Variants in CHODL observed in about 807,000 individuals in gnomAD.
CHODL encodes chondrolectin.
A neutral mutation model predicts 34.5 loss-of-function variants in CHODL; 29 were observed. That is an observed-to-expected ratio of 0.84 (90% CI 0.63 to 1.15). The LOEUF is 1.15. Among genes scored for constraint, CHODL ranks in the 50% most tolerant of loss-of-function variants. The probability of loss-of-function intolerance (pLI) is 0.00; values close to 1 mark genes in which losing one functional copy is unlikely to be tolerated. For synonymous variants in CHODL, 125 were observed against 116.1 expected, an observed-to-expected ratio of 1.08 and a Z score of -0.49; for missense variants, 332 against 332.5, an observed-to-expected ratio of 1.00 and a Z score of 0.01.
At chr21:18,047,913 T>C (rs903554799) in intron 2 of CHODL, among the ~76,000 whole-genome samples, 12 of 151,978 alleles carry the variant, frequency 7.9e-5, no homozygotes, top group Non-Finnish European at 1.8e-4. Flanking sequence ...TAATGTTCCA[T>C]AACCAAAACT....
In CHODL at chr21:18,171,132, T is replaced by TA. The variant is rs529777749; in HGVS notation, c.-44-85376dup. ...AGAATTTGTTTTTTTTTTTAATTGA[T>TA]AGTCTGTTTTATGAGACATTGTTCT... is the stretch of plus-strand genomic sequence containing the variant. On this transcript the variant is annotated intron_variant, in intron 2 of 6. Transcript: ENST00000400127. 8.0e-3 allele frequency among the ~76,000 whole-genome samples: 1,176 copies of TA among 147,508 alleles called. 9 individuals are homozygous for TA. The highest frequency in any genetic ancestry group is 0.012 in the Admixed American group (180 of 14,782).
chr21:17,975,594 C>G (rs2063655522), intron 1 of CHODL, among the ~76,000 whole-genome samples: 1 of 152,144 alleles, frequency 6.6e-6, no homozygotes, highest in African/African-American at 2.4e-5. Context: ...TTCAGTTCCT[C>G]AAACCCACTC....
intron 1 of CHODL, among the ~76,000 whole-genome samples, chr21:18,003,650 C>T (rs34701874): frequency 0.35 from 53,164 of 151,992 alleles, 10,637 homozygotes; most frequent in African/African-American, 0.56. Context: ...CTAAGAGAAA[C>T]ATTTTATTTG....
chr21:18,143,290 T>A (rs548629469), intron 2 of CHODL, among the ~76,000 whole-genome samples: 7 of 152,342 alleles, frequency 4.6e-5, no homozygotes, highest in African/African-American at 1.7e-4. Context: ...ATATTCTGCT[T>A]AAACATTTGT....
At chr21:18,175,826 A>T (rs2146668598) in intron 2 of CHODL, among the ~76,000 whole-genome samples, 1 of 151,060 alleles carries the variant, frequency 6.6e-6, no homozygotes. Context: ...AGAGCCAGAG[A>T]GTGGCTGGCA....
At chr21:17,942,364 A>G (rs568722214) in intron 1 of CHODL, among the ~76,000 whole-genome samples, 1 of 152,118 alleles carries the variant, frequency 6.6e-6, no homozygotes, top group South Asian at 2.1e-4. Context: ...ATGATAGTGA[A>G]TAAGTTTTAT....
chr21:18,179,254 C>G (rs935656983), intron 2 of CHODL, among the ~76,000 whole-genome samples: 6 of 152,132 alleles, frequency 3.9e-5, no homozygotes, highest in Non-Finnish European at 7.3e-5. Context: ...TGCCCTTTGA[C>G]CCACTTGACC....
At chr21:17,926,199 T>C (rs2063220823) in intron 1 of CHODL, among the ~76,000 whole-genome samples, 1 of 152,168 alleles carries the variant, frequency 6.6e-6, no homozygotes, top group Admixed American at 6.5e-5. Context: ...CATGTGTTGA[T>C]ATTTGTATTG....
intron 2 of CHODL, among the ~76,000 whole-genome samples, chr21:18,083,624 A>G (rs893333123): frequency 3.9e-5 from 6 of 152,230 alleles, no homozygotes; most frequent in Admixed American, 3.3e-4. Flanking sequence ...CATCTGTTAC[A>G]TCAGTGTGCC....
intron 1 of CHODL, among the ~76,000 whole-genome samples, chr21:17,992,743 T>TTTTC (rs1200754141): frequency 4.0e-5 from 2 of 50,170 alleles, no homozygotes; most frequent in East Asian, 4.5e-4. Context: ...TTTTTTTTTT[T>TTTTC]CCAGACAGAG....
intron 2 of CHODL, among the ~76,000 whole-genome samples, chr21:18,099,777 G>C (rs957649563): frequency 3.3e-5 from 5 of 152,040 alleles, no homozygotes; most frequent in Non-Finnish European, 7.4e-5. Flanking sequence ...ATTTTTTGAA[G>C]TAGTTACTTT....
chr21:18,044,909 C>G (rs192321123), intron 2 of CHODL, among the ~76,000 whole-genome samples: 10 of 151,906 alleles, frequency 6.6e-5, no homozygotes, highest in Admixed American at 4.6e-4. Flanking sequence ...GGGCACTGTG[C>G]GAGGTGCTGG....
intron 2 of CHODL, among the ~76,000 whole-genome samples, chr21:18,101,550 T>C (rs1568886706): frequency 6.6e-6 from 1 of 152,178 alleles, no homozygotes; most frequent in Non-Finnish European, 1.5e-5. Context: ...AGGTATAAGA[T>C]AAATTCTTGA....
rs1482934744 is a variant in CHODL, at chr21:18,256,524, T to C, written c.95T>C (p.Phe32Ser). 1 of 1,611,516 alleles carries C rather than the reference T, an allele frequency of 6.2e-7. No individual in the cohort carries two copies. Among genetic ancestry groups the C allele is most frequent in the Non-Finnish European group, 8.5e-7 (1 of 1,178,448 alleles). ...RRVVSGQKVC[F>S]ADFKHPCYKM... Reference sequence around the variant, plus strand: ...TTTTTTTCAGGCCAAAAGGTGTGTTTTGCTGACTTCAAGCATCCCTGCTAC... The same window carrying C: ...TTTTTTTCAGGCCAAAAGGTGTGTTCTGCTGACTTCAAGCATCCCTGCTAC... The change falls in exon 2 of 6, where the codon TTT becomes TCT. Residue 32 changes from phenylalanine to serine, a missense_variant. Transcript: ENST00000299295.
chr21:18,151,945 G>A (rs1014233940), intron 2 of CHODL, among the ~76,000 whole-genome samples: 2 of 151,748 alleles, frequency 1.3e-5, no homozygotes, highest in Non-Finnish European at 2.9e-5. Context: ...ATGTGGTTTT[G>A]AGGGGATACA....
At chr21:18,241,771 G>A (rs551666656), upstream of CHODL, among the ~76,000 whole-genome samples, 85 of 152,320 alleles carry the variant, frequency 5.6e-4, 2 homozygotes, top group South Asian at 1.7e-3. Flanking sequence ...ATACCCTTAA[G>A]AGTCCTGATA....
At chr21:17,932,968 A>C (rs141920252) in intron 1 of CHODL, among the ~76,000 whole-genome samples, 4,566 of 152,272 alleles carry the variant, frequency 0.03, 189 homozygotes, top group African/African-American at 0.095. Context: ...GAAGGTCAGC[A>C]GATAAACACG....
At chr21:18,253,559 T>C (rs983239592) in intron 1 of CHODL, among the ~76,000 whole-genome samples, 1 of 152,162 alleles carries the variant, frequency 6.6e-6, no homozygotes, top group African/African-American at 2.4e-5. Flanking sequence ...ACAAGCTTAA[T>C]GGCATTGTTA....
chr21:18,040,997 T>C (rs962726915), intron 2 of CHODL, among the ~76,000 whole-genome samples: 1 of 151,960 alleles, frequency 6.6e-6, no homozygotes, highest in Non-Finnish European at 1.5e-5. Flanking sequence ...ACTCTTGTCA[T>C]ATGATTTGAG....
Sources: allele counts gnomAD v4.1 joint callset (sites outside exome capture counted in the v4.1 genomes callset), GRCh38; gene constraint gnomAD v4.1.1; transcripts MANE v1.5; gene names NCBI Gene and HGNC (gene_info 2026-07-23, HGNC 2026-07-21).